DZANK1: variants seen among roughly 807,000 people sequenced by gnomAD.
The protein encoded by DZANK1 is double zinc ribbon and ankyrin repeat-containing protein 1.
DZANK1 carries 91 observed loss-of-function variants against 94.5 expected under a neutral mutation model. The observed-to-expected ratio is 0.96, with a 90% CI of 0.81 to 1.15. The LOEUF (loss-of-function observed/expected upper bound fraction) is 1.15, where lower values mean the gene tolerates loss of function less well. Among genes scored for constraint, DZANK1 ranks in the 50% most tolerant of loss-of-function variants. DZANK1 has a pLI of 0.00. For synonymous variants in DZANK1, 312 were observed against 325.3 expected, an observed-to-expected ratio of 0.96 and a Z score of 0.44; for missense variants, 903 against 916.4, an observed-to-expected ratio of 0.99 and a Z score of 0.19.
intron 10 of DZANK1, among the ~76,000 whole-genome samples, chr20:18,423,530 C>T (rs1415809986): frequency 2.0e-5 from 3 of 152,140 alleles, no homozygotes; most frequent in African/African-American, 7.2e-5. Context: ...AACACACATT[C>T]TTTTCAAATG....
chr20:18,453,905 C>A, intron 4 of DZANK1, 78 bp from the exon 5 acceptor site: 1 of 915,124 alleles, frequency 1.1e-6, no homozygotes, highest in South Asian at 1.3e-5. Context: ...GAGAAAGTGT[C>A]ATGGTGTGCA....
At position 18,454,370 on chromosome 20, in the gene DZANK1, A is replaced by C. The variant is rs145464850; in HGVS notation, c.379-543T>G. On this transcript the variant is annotated intron_variant, in intron 4 of 20. Coordinates refer to ENST00000262547, the Ensembl canonical transcript of DZANK1. ...ACACTTGAGTCCCACCCATGCCTGC[A>C]TCTACCAACCTCCTCTCTAGCATCA... 516 of 213,094 alleles carry C rather than the reference A, an allele frequency of 2.4e-3. 8 individuals carry two copies. The highest frequency in any genetic ancestry group is 0.023 in the Admixed American group (436 of 19,166). 13.2% of individuals were successfully genotyped at this position (213,094 alleles called of 1,614,324 possible).
At chr20:18,453,324 C>A (rs1481497327) in intron 5 of DZANK1, among the ~76,000 whole-genome samples, 2 of 152,168 alleles carry the variant, frequency 1.3e-5, no homozygotes, top group African/African-American at 4.8e-5. Context: ...AACCCTGGGT[C>A]CCCTTCCTGA....
intron 17 of DZANK1, among the ~76,000 whole-genome samples, chr20:18,390,852 G>A (rs2055923179): frequency 6.6e-6 from 1 of 152,084 alleles, no homozygotes; most frequent in African/African-American, 2.4e-5. Context: ...TGACAGTTCA[G>A]AAAATATACT....
intron 13 of DZANK1, among the ~76,000 whole-genome samples, chr20:18,401,351 G>A (rs764137325): frequency 3.9e-5 from 6 of 152,318 alleles, no homozygotes; most frequent in Middle Eastern, 3.4e-3. Context: ...CAGGCTGAAC[G>A]AGGGAATTCA....
At chr20:18,394,978 C>T in intron 15 of DZANK1, 1 of 421,442 alleles carries the variant, frequency 2.4e-6, no homozygotes, top group Admixed American at 2.5e-5. Context: ...GGACTGATCC[C>T]CCTGCACCCT....
In DZANK1 at chr20:18,437,100, A is replaced by G. The variant is rs557833451; in HGVS notation, c.748-3335T>C. 2.0e-5 allele frequency among the ~76,000 whole-genome samples: 3 copies of G among 152,326 alleles called. No homozygotes were observed. The East Asian group carries it at 5.8e-4, about 29-fold the overall frequency. ...TGAGTTCACAGGAGGAAGTGAGAAG[A>G]CCAGATATAATAAATATGAGGGCAG... On this transcript the variant is annotated intron_variant, in intron 8 of 20. Transcript: ENST00000262547.
At chr20:18,411,527 A>C (rs2057255960) in intron 13 of DZANK1, among the ~76,000 whole-genome samples, 3 of 152,198 alleles carry the variant, frequency 2.0e-5, no homozygotes, top group African/African-American at 7.2e-5. Flanking sequence ...ATAGCTTCAC[A>C]GGTAATTTAC....
chr20:18,385,485 G>A (rs980091831), intron 19 of DZANK1, among the ~76,000 whole-genome samples: 12 of 150,818 alleles, frequency 8.0e-5, no homozygotes, highest in Admixed American at 2.6e-4. Context: ...GTGTGATCTC[G>A]GCTCACTGCA....
exon 21 of DZANK1, chr20:18,384,525 C>G: frequency 6.2e-7 from 1 of 1,609,816 alleles, no homozygotes; most frequent in Non-Finnish European, 8.5e-7. Context: ...CGTATGCTGT[C>G]TGGCCTCCTG....
intron 13 of DZANK1, among the ~76,000 whole-genome samples, chr20:18,409,602 C>T (rs995645241): frequency 6.6e-6 from 1 of 151,152 alleles, no homozygotes; most frequent in African/African-American, 2.4e-5. Context: ...CCACCATCAC[C>T]ACCAGTAAAG....
At chr20:18,443,541 G>T (rs2058778906) in intron 7 of DZANK1, 77 bp from the exon 8 acceptor site, 1 of 830,852 alleles carries the variant, frequency 1.2e-6, no homozygotes, top group Non-Finnish European at 1.8e-6. Context: ...TCTAAAAGCG[G>T]TCAAACAGTT....
intron 19 of DZANK1, among the ~76,000 whole-genome samples, chr20:18,387,715 C>G (rs2048591477): frequency 6.6e-6 from 1 of 152,186 alleles, no homozygotes; most frequent in Non-Finnish European, 1.5e-5. Flanking sequence ...CCTGGCCATT[C>G]CCTTTTGTTG....
At chr20:18,455,500 A>G in intron 3 of DZANK1, 139 bp from the exon 4 acceptor site, 1 of 684,180 alleles carries the variant, frequency 1.5e-6, no homozygotes, top group Non-Finnish European at 2.5e-6. Flanking sequence ...AATCAAATGT[A>G]ATTTCTATAG....
At chr20:18,389,317 T>C (rs961200807) in intron 19 of DZANK1, among the ~76,000 whole-genome samples, 3 of 152,196 alleles carry the variant, frequency 2.0e-5, no homozygotes, top group Non-Finnish European at 4.4e-5. Flanking sequence ...CTGCATTAAC[T>C]TCATGGGGAT....
At chr20:18,430,456 T>C (rs1265503184) in intron 9 of DZANK1, among the ~76,000 whole-genome samples, 1 of 152,230 alleles carries the variant, frequency 6.6e-6, no homozygotes, top group Non-Finnish European at 1.5e-5. Context: ...CTCTTCTTGA[T>C]AAATGTTTTT....
intron 13 of DZANK1, among the ~76,000 whole-genome samples, chr20:18,406,137 T>C (rs1192589380): frequency 6.6e-6 from 1 of 152,222 alleles, no homozygotes; most frequent in Non-Finnish European, 1.5e-5. Flanking sequence ...AAGACTGAAA[T>C]TCCTAGGCAA....
intron 2 of DZANK1, among the ~76,000 whole-genome samples, chr20:18,463,822 T>A (rs1433831029): frequency 6.6e-6 from 1 of 152,172 alleles, no homozygotes; most frequent in African/African-American, 2.4e-5. Flanking sequence ...GGTCATAACA[T>A]AAATGCAGAT....
chr20:18,425,412 G>A (rs545366217), intron 10 of DZANK1, among the ~76,000 whole-genome samples: 4 of 152,160 alleles, frequency 2.6e-5, no homozygotes, highest in African/African-American at 7.2e-5. Flanking sequence ...TTAGCCAGGC[G>A]TGATGGCATG....
Sources: gnomAD v4.1 joint callset for allele counts (sites outside exome capture counted in the v4.1 genomes callset) on GRCh38, gnomAD v4.1.1 for gene constraint, MANE v1.5 for transcripts, NCBI Gene and HGNC (gene_info 2026-07-23, HGNC 2026-07-21) for gene names.